The following DOK6 variants were observed in gnomAD, a reference collection of about 807,000 sequenced individuals.
The protein encoded by DOK6 is docking protein 6.
DOK6 carries 22 observed loss-of-function variants against 44.0 expected under a neutral mutation model. The observed-to-expected ratio is 0.50, with a 90% CI of 0.36 to 0.71. DOK6 has a LOEUF of 0.71. Ranked by LOEUF, DOK6 falls within the 30% of genes least tolerant of loss-of-function variation. The pLI is 0.00. For missense variants in DOK6, 340 were observed against 416.4 expected (o/e 0.82, Z 1.60); for synonymous variants, 166 against 145.5 (o/e 1.14, Z -1.01).
intron 1 of DOK6, among the ~76,000 whole-genome samples, chr18:69,500,028 G>A (rs553542176): frequency 1.3e-5 from 2 of 152,248 alleles, no homozygotes; most frequent in South Asian, 2.1e-4. Context: ...GTACCAATCT[G>A]ACTTCCTGGC....
At chr18:69,487,011 T>C (rs1329250009) in intron 1 of DOK6, among the ~76,000 whole-genome samples, 1 of 152,160 alleles carries the variant, frequency 6.6e-6, no homozygotes, top group Non-Finnish European at 1.5e-5. Context: ...TGCTCCACTT[T>C]AGGGTTGTAA....
intron 3 of DOK6, among the ~76,000 whole-genome samples, chr18:69,659,567 G>A (rs1190743801): frequency 6.6e-6 from 1 of 152,028 alleles, no homozygotes; most frequent in African/African-American, 2.4e-5. Context: ...AAGGGCACTC[G>A]GGACATGAGC....
intron 2 of DOK6, among the ~76,000 whole-genome samples, chr18:69,579,229 T>C (rs146635202): frequency 3.3e-5 from 5 of 152,360 alleles, no homozygotes; most frequent in Non-Finnish European, 7.3e-5. Flanking sequence ...CAAGTTTTTG[T>C]TCCCTGACTT....
chr18:69,762,808 C>A (rs1979603773), intron 7 of DOK6, among the ~76,000 whole-genome samples: 1 of 152,148 alleles, frequency 6.6e-6, no homozygotes, highest in Non-Finnish European at 1.5e-5. Context: ...TTGCTGTATT[C>A]ATTTCTCTCA....
At chr18:69,685,796 T>C (rs1027650140) in intron 4 of DOK6, among the ~76,000 whole-genome samples, 1 of 152,232 alleles carries the variant, frequency 6.6e-6, no homozygotes, top group African/African-American at 2.4e-5. Flanking sequence ...AGAGTATCTT[T>C]GCGTTATAAT....
At chr18:69,793,836 C>G (rs1980667580) in intron 7 of DOK6, among the ~76,000 whole-genome samples, 1 of 151,788 alleles carries the variant, frequency 6.6e-6, no homozygotes. Flanking sequence ...TTTCATTGTT[C>G]CTTGAAAAAA....
intron 3 of DOK6, among the ~76,000 whole-genome samples, chr18:69,648,453 A>C (rs1985140290): frequency 6.6e-6 from 1 of 152,156 alleles, no homozygotes; most frequent in Non-Finnish European, 1.5e-5. Context: ...AATATTTTTC[A>C]AAGCCCATTT....
rs140030276 is a variant in DOK6, at chr18:69,476,959, A to C, written c.66+75649A>C. ...ATCCCACGGTTATGTACACAGTAAA[A>C]GGTTGCTTGGATTAGTCAGGTGATA... On this transcript the variant is annotated intron_variant, in intron 1 of 7. Coordinates refer to ENST00000382713, the MANE Select transcript of DOK6 (RefSeq NM_152721.6). Among the ~76,000 whole-genome samples the C allele has an allele frequency of 6.7e-3, 1,021 of 152,306 alleles. 12 individuals carry two copies. The highest frequency in any genetic ancestry group is 0.022 in the African/African-American group (934 of 41,572).
intron 7 of DOK6, among the ~76,000 whole-genome samples, chr18:69,774,194 T>C (rs1412507566): frequency 7.6e-6 from 1 of 131,988 alleles, no homozygotes; most frequent in Non-Finnish European, 1.6e-5. Flanking sequence ...AATGAATTAG[T>C]GGCATTTGCA....
At chr18:69,506,174 A>G (rs1282271505) in intron 1 of DOK6, among the ~76,000 whole-genome samples, 1 of 152,162 alleles carries the variant, frequency 6.6e-6, no homozygotes, top group Non-Finnish European at 1.5e-5. Flanking sequence ...AAATAGATGG[A>G]AGTTATAAAG....
In DOK6 at chr18:69,676,212, G is replaced by A. The variant is rs113916652; in HGVS notation, c.290-1522G>A. On this transcript the variant is annotated intron_variant, in intron 3 of 7. Transcript: ENST00000382713. ...TAAATAAAAGTGCTTCTCATGATAGGAACATTGGAACTATTATTTTTATTA... is the reference window on the plus strand; with the variant it reads ...TAAATAAAAGTGCTTCTCATGATAGAAACATTGGAACTATTATTTTTATTA... Among the ~76,000 whole-genome samples, 889 of 152,318 alleles carry A rather than the reference G, an allele frequency of 5.8e-3. 6 individuals carry two copies. The highest frequency in any genetic ancestry group is 0.019 in the African/African-American group (778 of 41,576).
chr18:69,775,519 C>T (rs1980035256), intron 7 of DOK6, among the ~76,000 whole-genome samples: 1 of 151,470 alleles, frequency 6.6e-6, no homozygotes, highest in African/African-American at 2.4e-5. Context: ...CAAGTGGGCA[C>T]ATTAAGTAAA....
chr18:69,736,666 T>C (rs1978618429), intron 5 of DOK6, among the ~76,000 whole-genome samples: 1 of 152,242 alleles, frequency 6.6e-6, no homozygotes, highest in Non-Finnish European at 1.5e-5. Flanking sequence ...ACCTATGTTT[T>C]AGCTTTTCCC....
intron 1 of DOK6, among the ~76,000 whole-genome samples, chr18:69,428,145 T>C (rs1311781985): frequency 6.6e-6 from 1 of 152,076 alleles, no homozygotes; most frequent in Non-Finnish European, 1.5e-5. Flanking sequence ...TTTGTCTTCA[T>C]TGTACTGTAC....
intron 3 of DOK6, among the ~76,000 whole-genome samples, chr18:69,627,566 G>T (rs1010732662): frequency 6.6e-6 from 1 of 151,810 alleles, no homozygotes; most frequent in Non-Finnish European, 1.5e-5. Context: ...CTCCTGCTTC[G>T]GCCTCCCAAG....
intron 7 of DOK6, among the ~76,000 whole-genome samples, chr18:69,829,965 G>A (rs1981855523): frequency 2.6e-5 from 4 of 152,092 alleles, no homozygotes. Flanking sequence ...ACATATAACA[G>A]CCATTAAATT....
At chr18:69,753,602 GAAGA>G (rs780549503) in intron 6 of DOK6, among the ~76,000 whole-genome samples, 5 of 152,194 alleles carry the variant, frequency 3.3e-5, no homozygotes, top group Non-Finnish European at 7.3e-5. Context: ...AGAATAGAAG[GAAGA>G]GAGAGTTAGA....
chr18:69,817,590 T>C (rs1568134932), intron 7 of DOK6, among the ~76,000 whole-genome samples: 2 of 151,936 alleles, frequency 1.3e-5, no homozygotes, highest in African/African-American at 4.8e-5. Context: ...GAGAACTGCA[T>C]TCTCTCTCTC....
At chr18:69,446,804 C>T (rs1979308024) in intron 1 of DOK6, among the ~76,000 whole-genome samples, 1 of 152,168 alleles carries the variant, frequency 6.6e-6, no homozygotes, top group Non-Finnish European at 1.5e-5. Context: ...TCTCTGATGG[C>T]CAGTGATGAT....
Sources: gnomAD v4.1 joint callset for allele counts (sites outside exome capture counted in the v4.1 genomes callset) on GRCh38, gnomAD v4.1.1 for gene constraint, MANE v1.5 for transcripts, NCBI Gene and HGNC (gene_info 2026-07-23, HGNC 2026-07-21) for gene names.